The following TNIK variants were observed in gnomAD, a reference collection of about 807,000 sequenced individuals.
The protein encoded by TNIK is TRAF2 and NCK-interacting protein kinase.
TNIK carries 49 observed loss-of-function variants against 191.3 expected under a neutral mutation model. The observed-to-expected ratio is 0.26, with a 90% CI of 0.20 to 0.32. The LOEUF is 0.32. TNIK is among the 10% of genes least tolerant of loss of function. The pLI, the probability that TNIK is intolerant of heterozygous loss-of-function variation, is 1.00. For missense variants in TNIK, 1,155 were observed against 1,702.3 expected (o/e 0.68, Z 5.66); for synonymous variants, 594 against 600.9 (o/e 0.99, Z 0.17).
At chr3:171,191,688 GC>G (rs2108836353) in intron 5 of TNIK, among the ~76,000 whole-genome samples, 1 of 152,240 alleles carries the variant, frequency 6.6e-6, no homozygotes, top group Admixed American at 6.5e-5. Context: ...TTTAGTTTAT[GC>G]TAGTTTATGC....
intron 1 of TNIK, among the ~76,000 whole-genome samples, chr3:171,441,010 G>A (rs550609360): frequency 5.9e-5 from 9 of 152,104 alleles, no homozygotes; most frequent in East Asian, 5.8e-4. Flanking sequence ...TATGACAAGC[G>A]CTTCAGAATA....
chr3:171,325,707 A>G (rs2108349395), intron 2 of TNIK, among the ~76,000 whole-genome samples: 1 of 152,356 alleles, frequency 6.6e-6, no homozygotes, highest in South Asian at 2.1e-4. Context: ...AAGGTCAGTA[A>G]ACTATCAAGA....
chr3:171,104,145 GAATAA>G (rs1576819077), intron 21 of TNIK, among the ~76,000 whole-genome samples: 1 of 152,008 alleles, frequency 6.6e-6, no homozygotes, highest in African/African-American at 2.4e-5. Context: ...TAAAAATAAT[GAATAA>G]TTCCAAAGTA....
chr3:171,429,441 T>C (rs1725070987), intron 1 of TNIK, among the ~76,000 whole-genome samples: 1 of 152,224 alleles, frequency 6.6e-6, no homozygotes, highest in South Asian at 2.1e-4. Context: ...AAAAGAATAC[T>C]AGCTAGGGCC....
intron 29 of TNIK, among the ~76,000 whole-genome samples, chr3:171,069,467 A>G (rs1006593213): frequency 3.0e-4 from 45 of 152,152 alleles, no homozygotes; most frequent in Admixed American, 1.0e-3. Context: ...ATTAATGGGC[A>G]TGCTCTGGTT....
At chr3:171,188,942 C>T (rs887151614) in intron 6 of TNIK, 110 bp from the exon 7 acceptor site, 1 of 1,333,220 alleles carries the variant, frequency 7.5e-7, no homozygotes, top group African/African-American at 1.5e-5. Flanking sequence ...ATAAAGTGTA[C>T]AATTTTGACC....
At chr3:171,444,026 G>C (rs747043205) in intron 1 of TNIK, among the ~76,000 whole-genome samples, 1 of 152,116 alleles carries the variant, frequency 6.6e-6, no homozygotes, top group Non-Finnish European at 1.5e-5. Flanking sequence ...TCTTCTATGA[G>C]GGGAGGTCTT....
chr3:171,453,971 C>G (rs892943978), intron 1 of TNIK, among the ~76,000 whole-genome samples: 1 of 152,222 alleles, frequency 6.6e-6, no homozygotes, highest in African/African-American at 2.4e-5. Flanking sequence ...TCCTCCCTCT[C>G]TCTCCACTAG....
chr3:171,439,499 A>G lies in TNIK; in HGVS notation c.57+20508T>C, dbSNP rs185239796. 13 of 152,218 alleles carry G rather than the reference A, an allele frequency of 8.5e-5. No individual in the cohort carries two copies. The East Asian group carries it at 2.1e-3, about 25-fold the overall frequency. 9.4% of individuals were successfully genotyped at this position (152,218 alleles called of 1,614,324 possible). ...AAGATGTGGCTGCATTAATAAGACT[A>G]GACTTTTATTAAAATAATTAACCCA... On this transcript the variant is annotated intron_variant, in intron 1 of 32. Transcript: ENST00000436636.
chr3:171,144,000 A>G (rs78283071), intron 12 of TNIK, among the ~76,000 whole-genome samples: 1,692 of 152,238 alleles, frequency 0.011, 30 homozygotes, highest in African/African-American at 0.039. Context: ...AAACTGGAAA[A>G]AAAGGGAAAG....
intron 1 of TNIK, among the ~76,000 whole-genome samples, chr3:171,397,725 T>C (rs1720434542): frequency 6.6e-6 from 1 of 152,236 alleles, no homozygotes. Context: ...ATACAGAGGC[T>C]TGTATATTAT....
At chr3:171,307,031 A>C (rs183176325) in intron 2 of TNIK, among the ~76,000 whole-genome samples, 1 of 152,214 alleles carries the variant, frequency 6.6e-6, no homozygotes, top group Non-Finnish European at 1.5e-5. Flanking sequence ...AAAAAGATTT[A>C]GACCGAGAAA....
intron 9 of TNIK, among the ~76,000 whole-genome samples, chr3:171,171,701 T>C (rs1395894943): frequency 6.6e-6 from 1 of 152,158 alleles, no homozygotes. Context: ...TGAGTATACT[T>C]GCGAGGGCAG....
intron 2 of TNIK, among the ~76,000 whole-genome samples, chr3:171,235,420 T>C (rs1470236922): frequency 1.3e-5 from 2 of 152,148 alleles, no homozygotes; most frequent in Admixed American, 1.3e-4. Context: ...GGCGACAAAG[T>C]ATGTACATGC....
chr3:171,452,732 AC>A (rs1728323676), intron 1 of TNIK, among the ~76,000 whole-genome samples: 1 of 18,856 alleles, frequency 5.3e-5, no homozygotes, highest in African/African-American at 2.9e-4. Context: ...CACTCCAAAC[AC>A]ACACACACAC....
chr3:171,228,181 A>C lies in TNIK; in HGVS notation c.164T>G (p.Val55Gly). The C allele has an allele frequency of 6.2e-7, 1 of 1,613,682 alleles. No homozygotes were observed. Among genetic ancestry groups the C allele is most frequent in the Non-Finnish European group, 8.5e-7 (1 of 1,179,644 alleles). Reference protein sequence around the residue: ...VKTGQLAAIKVMDVTGDEEEE... With the variant: ...VKTGQLAAIKGMDVTGDEEEE... ...GACACTTACCCCTGTGACATCCATA[A>C]CCTTGATGGCTGCAAGCTGGCCCGT... The change falls in exon 3 of 33, where the codon GTT becomes GGT. Residue 55 changes from valine to glycine, a missense_variant. Physicochemically the swap from Val to Gly is moderately radical, Grantham distance 109. This residue lies in a region of TNIK where 225 missense variants were observed against 438.9 expected (regional missense o/e 0.51). Coordinates refer to ENST00000436636, the MANE Select transcript of TNIK (RefSeq NM_015028.4).
At chr3:171,293,679 T>C (rs1362580607) in intron 2 of TNIK, among the ~76,000 whole-genome samples, 1 of 152,258 alleles carries the variant, frequency 6.6e-6, no homozygotes, top group Non-Finnish European at 1.5e-5. Flanking sequence ...CCACTCAATG[T>C]ATTTTTAGAG....
rs527901633 is a variant in TNIK, at chr3:171,188,683, C to T, written c.639+19G>A. The T allele has an allele frequency of 6.2e-7, 1 of 1,612,030 alleles. No homozygotes were observed. The highest frequency in any genetic ancestry group is 1.1e-5 in the South Asian group (1 of 90,972). The stretch of plus-strand genomic sequence containing the variant: ...TAAGATGGTAGGCATAGTTTTGAAA[C>T]ACGACAAAGAAGCCATACCTTGAAA... On this transcript the variant is annotated intron_variant, in intron 7 of 32. Coordinates refer to ENST00000436636, the MANE Select transcript of TNIK (RefSeq NM_015028.4).
chr3:171,088,237 C>CTTTTTTTTTTTT (rs760417147), intron 23 of TNIK, among the ~76,000 whole-genome samples: 2 of 142,888 alleles, frequency 1.4e-5, no homozygotes, highest in African/African-American at 5.1e-5. Flanking sequence ...AAAGGTTTTT[C>CTTTTTTTTTTTT]TTTTTTTTTT....
Sources: allele counts gnomAD v4.1 joint callset (sites outside exome capture counted in the v4.1 genomes callset), GRCh38; gene constraint gnomAD v4.1.1; regional missense constraint gnomAD v4.1.1; transcripts MANE v1.5; gene names NCBI Gene and HGNC (gene_info 2026-07-23, HGNC 2026-07-21).